ATP2B2: variants seen among roughly 807,000 people sequenced by gnomAD.
The protein encoded by ATP2B2 is ATPase plasma membrane Ca2+ transporting 2.
In ATP2B2, 15 loss-of-function variants were observed where a neutral mutation model predicts 120.0. That is an observed-to-expected ratio of 0.12 (90% confidence interval 0.08 to 0.19). The LOEUF is 0.19. Among genes scored for constraint, ATP2B2 ranks in the 10% least tolerant of loss-of-function variants. The pLI is 1.00. For missense variants in ATP2B2, 1,045 were observed against 1,719.8 expected, an observed-to-expected ratio of 0.61 and a Z score of 6.94; for synonymous variants, 694 against 700.3, an observed-to-expected ratio of 0.99 and a Z score of 0.14.
intron 2 of ATP2B2, among the ~76,000 whole-genome samples, chr3:10,617,521 T>C (rs556790854): frequency 1.3e-5 from 2 of 152,338 alleles, no homozygotes; most frequent in African/African-American, 4.8e-5. Context: ...CAGCATTCTG[T>C]GGAGTGGACA....
At chr3:10,378,768 C>G (rs950908614) in intron 9 of ATP2B2, among the ~76,000 whole-genome samples, 2 of 152,206 alleles carry the variant, frequency 1.3e-5, no homozygotes, top group Non-Finnish European at 2.9e-5. Context: ...GGGCTCTACC[C>G]AGCTGGTCCT....
chr3:10,518,921 C>T (rs539217492), intron 3 of ATP2B2, among the ~76,000 whole-genome samples: 93 of 152,330 alleles, frequency 6.1e-4, no homozygotes, highest in Non-Finnish European at 9.4e-4. Context: ...TCATACTCTC[C>T]GGCCAGGCTG....
intron 11 of ATP2B2, among the ~76,000 whole-genome samples, chr3:10,372,613 A>G (rs1209875638): frequency 1.3e-5 from 2 of 152,228 alleles, no homozygotes; most frequent in Non-Finnish European, 1.5e-5. Flanking sequence ...TGACTAACAT[A>G]TATCACTTGC....
intron 1 of ATP2B2, among the ~76,000 whole-genome samples, chr3:10,685,324 C>G (rs1309929415): frequency 6.6e-6 from 1 of 152,168 alleles, no homozygotes; most frequent in Non-Finnish European, 1.5e-5. Context: ...AGGTACAGAA[C>G]AGAACAGATG....
At chr3:10,495,055 G>A (rs2066088996) in intron 1 of ATP2B2, among the ~76,000 whole-genome samples, 1 of 152,232 alleles carries the variant, frequency 6.6e-6, no homozygotes, top group Admixed American at 6.5e-5. Flanking sequence ...AGAGTCACCT[G>A]CTGTCTTGTA....
intron 3 of ATP2B2, among the ~76,000 whole-genome samples, chr3:10,511,721 A>G (rs1190353797): frequency 1.3e-5 from 2 of 152,184 alleles, no homozygotes; most frequent in Non-Finnish European, 2.9e-5. Flanking sequence ...ACACCCAGGA[A>G]GGAGAGCCCC....
rs750067208 is a variant in ATP2B2 at position 10,360,108 on chromosome 3, C to T, written c.1675G>A (p.Gly559Ser). 1 of 1,599,228 alleles carries T rather than the reference C, an allele frequency of 6.3e-7. No homozygotes were observed. Among genetic ancestry groups the T allele is most frequent in the South Asian group, 1.1e-5 (1 of 90,570 alleles). The change falls in exon 13 of 23, where the codon GGC (glycine) becomes AGC (serine). Residue 559 changes from glycine to serine, a missense_variant. By Grantham distance (56) the Gly-to-Ser change is moderately conservative. This residue lies in a region of ATP2B2 where 343 missense variants were observed against 536.8 expected (regional missense o/e 0.64). Transcript: ENST00000360273. ...TTGCCCACCTGCCGAGGCAGGGCGC[C>T]CTCCTTCTCTGGGGGCTGCAGAGAG... is the stretch of plus-strand genomic sequence containing the variant. ...TTKILPPEKEGALPRQVGNKT... is the reference protein window; with the variant it reads ...TTKILPPEKESALPRQVGNKT...
rs191758421 is a variant in ATP2B2 at position 10,648,911 on chromosome 3, C to T, written c.-459-28950G>A. ...GCTTCCTCATTGAGTCTTCTTGCAT[C>T]CTCTCATCATCTTTCCAATTCATTT... On this transcript the variant is annotated intron_variant, in intron 1 of 21. Coordinates refer to the ATP2B2 transcript ENST00000646379. 2.0e-5 allele frequency among the ~76,000 whole-genome samples: 3 copies of T among 152,282 alleles called. No homozygotes were observed. In the East Asian group the frequency reaches 5.8e-4, roughly 29 times the overall value.
intron 8 of ATP2B2, among the ~76,000 whole-genome samples, chr3:10,380,969 C>G (rs1373128804): frequency 6.6e-6 from 1 of 152,218 alleles, no homozygotes; most frequent in Admixed American, 6.5e-5. Flanking sequence ...TTTCATCACT[C>G]TCATTTTATA....
intron 3 of ATP2B2, among the ~76,000 whole-genome samples, chr3:10,512,482 A>AGTG (rs1559431511): frequency 4.7e-5 from 7 of 150,114 alleles, no homozygotes; most frequent in East Asian, 2.0e-4. Flanking sequence ...ACACACACAC[A>AGTG]CACACACACA....
chr3:10,706,629 A>G (rs2071900405), intron 1 of ATP2B2, among the ~76,000 whole-genome samples: 1 of 152,188 alleles, frequency 6.6e-6, no homozygotes, highest in African/African-American at 2.4e-5. Flanking sequence ...CTTCCCTTCC[A>G]GGGCTCAGAA....
At position 10,401,074 on chromosome 3, in the gene ATP2B2, G is replaced by A; in HGVS notation, c.660C>T (p.Asp220=). The A allele has an allele frequency of 2.5e-6, 4 of 1,613,892 alleles. No homozygotes were observed. The Admixed American group carries it at 6.7e-5, about 27-fold the overall frequency. ...TGAAGAGGCCGTCGGCAGGGAGGAGGTCACCTGGCAAGAGGAAGGGCAGGG... is the reference window on the plus strand; with the variant it reads ...TGAAGAGGCCGTCGGCAGGGAGGAGATCACCTGGCAAGAGGAAGGGCAGGG... ...VGDIAQVKYG[D]LLPADGLFIQ... is the part of the protein sequence containing the mutation. Residue 220 remains aspartate, a synonymous_variant, in exon 5 of 23, where the codon GAC becomes GAT. Coordinates refer to ENST00000360273, the MANE Select transcript of ATP2B2 (RefSeq NM_001001331.4).
chr3:10,542,288 T>C (rs1310596521), intron 2 of ATP2B2, among the ~76,000 whole-genome samples: 1 of 152,242 alleles, frequency 6.6e-6, no homozygotes, highest in Non-Finnish European at 1.5e-5. Context: ...TGTCATTTTA[T>C]ATTTTGTTTT....
chr3:10,535,431 T>C (rs1387920155), intron 2 of ATP2B2, among the ~76,000 whole-genome samples: 3 of 150,962 alleles, frequency 2.0e-5, no homozygotes, highest in African/African-American at 4.9e-5. Flanking sequence ...CTCTATGAAA[T>C]GTTATCTGTA....
chr3:10,460,454 C>T lies in ATP2B2; in HGVS notation c.-319-10592G>A, dbSNP rs140044984. On this transcript the variant is annotated intron_variant, in intron 1 of 22. Transcript: ENST00000360273. ...TTATTAAGTGCCCCTAGGAACTCTC[C>T]AGGACAGCAATGCTGACCAATGAAG... Among the ~76,000 whole-genome samples the T allele has an allele frequency of 5.6e-4, 86 of 152,286 alleles. 1 individual carries two copies. The highest frequency in any genetic ancestry group is 2.0e-3 in the African/African-American group (84 of 41,564).
chr3:10,352,203 T>C (rs189449587), intron 14 of ATP2B2, among the ~76,000 whole-genome samples: 6 of 152,370 alleles, frequency 3.9e-5, no homozygotes, highest in African/African-American at 7.2e-5. Context: ...AGCTGGGTCA[T>C]TGCCCAGCCT....
At chr3:10,609,061 A>C (rs1038785192) in intron 2 of ATP2B2, among the ~76,000 whole-genome samples, 7 of 152,190 alleles carry the variant, frequency 4.6e-5, no homozygotes, top group Admixed American at 1.3e-4. Context: ...CCGCTGCTTC[A>C]TGGAATGAGC....
intron 9 of ATP2B2, 95 bp from the exon 10 acceptor site, chr3:10,378,505 C>G (rs1248274546): frequency 6.6e-7 from 1 of 1,524,066 alleles, no homozygotes; most frequent in East Asian, 2.3e-5. Flanking sequence ...CCCACCCCTG[C>G]CTGCCCAGGG....
chr3:10,618,429 T>C (rs2069456029), intron 2 of ATP2B2, among the ~76,000 whole-genome samples: 1 of 152,196 alleles, frequency 6.6e-6, no homozygotes, highest in African/African-American at 2.4e-5. Flanking sequence ...GGCCCTGCCT[T>C]GGGAGGAGCT....
Sources: allele counts gnomAD v4.1 joint callset (sites outside exome capture counted in the v4.1 genomes callset), GRCh38; gene constraint gnomAD v4.1.1; regional missense constraint gnomAD v4.1.1; transcripts MANE v1.5; gene names NCBI Gene and HGNC (gene_info 2026-07-23, HGNC 2026-07-21).